LRRC40: variants seen among roughly 807,000 people sequenced by gnomAD.
LRRC40 encodes the protein leucine rich repeat containing 40.
In LRRC40, 76 loss-of-function variants were observed where a neutral mutation model predicts 72.8. The observed-to-expected ratio is 1.04, with a 90% CI of 0.87 to 1.26. The LOEUF (loss-of-function observed/expected upper bound fraction) is 1.26. Among genes scored for constraint, LRRC40 ranks in the 50% most tolerant of loss-of-function variants. The probability of loss-of-function intolerance (pLI) is 0.00; values close to 1 mark genes in which losing one functional copy is unlikely to be tolerated. For missense variants in LRRC40, 684 were observed against 698.9 expected (o/e 0.98, Z 0.24); for synonymous variants, 243 against 254.2 (o/e 0.96, Z 0.42).
intron 5 of LRRC40, chr1:70,180,008 C>T (rs1668206450): frequency 6.6e-6 from 1 of 151,308 alleles, no homozygotes; most frequent in African/African-American, 2.4e-5. Flanking sequence ...CTATGACTTG[C>T]CAAACAAAAG....
intron 1 of LRRC40, among the ~76,000 whole-genome samples, chr1:70,203,373 T>C (rs1668791293): frequency 6.6e-6 from 1 of 152,160 alleles, no homozygotes; most frequent in Non-Finnish European, 1.5e-5. Context: ...GTAATGACAC[T>C]AGGATTTAGA....
Position 70,148,692 on chromosome 1 carries a change from A to T in LRRC40, c.1518-20T>A, listed in dbSNP as rs1446456822. 1.4e-6 allele frequency: 2 copies of T among 1,478,070 alleles called. No individual in the cohort carries two copies. The highest frequency in any genetic ancestry group is 2.8e-5 in the African/African-American group (2 of 71,998). The allele number at this position is 1,478,070 out of a possible 1,614,324, so 91.6% of individuals were successfully genotyped here. ...TTAAACCTATTAATACATGAACAGA[A>T]CACCTAAATATACTGGAATCAGACC... On this transcript the variant is annotated intron_variant, in intron 13 of 14. Coordinates refer to ENST00000370952, the MANE Select transcript of LRRC40 (RefSeq NM_017768.5).
In LRRC40 at chr1:70,158,099, C is replaced by CAA. The variant is rs35925333; in HGVS notation, c.1220+1229_1220+1230dup. Among the ~76,000 whole-genome samples, 133 of 19,210 alleles carry CAA rather than the reference C, an allele frequency of 6.9e-3. 23 individuals are homozygous for CAA. Among genetic ancestry groups the CAA allele is most frequent in the African/African-American group, 0.015 (65 of 4,302 alleles). The allele number at this position is 19,210 out of a possible 152,430, so 12.6% of individuals were successfully genotyped here. A position where few individuals can be genotyped will look rare whatever the true frequency, so the allele number is the denominator to read the frequency against. ...TGGGCAACAGAGCAAGACCCTGCCTCAAAAAAAAAAAAAAAAAAAAAAAAA... is the reference window on the plus strand; with the variant it reads ...TGGGCAACAGAGCAAGACCCTGCCTCAAAAAAAAAAAAAAAAAAAAAAAAAAA... On this transcript the variant is annotated intron_variant, in intron 10 of 14. Coordinates refer to ENST00000370952, the MANE Select transcript of LRRC40 (RefSeq NM_017768.5).
At chr1:70,182,006 TTAATA>T (rs1286497098) in intron 4 of LRRC40, among the ~76,000 whole-genome samples, 9 of 152,002 alleles carry the variant, frequency 5.9e-5, no homozygotes, top group Non-Finnish European at 8.8e-5. Context: ...AGATTTTCAT[TTAATA>T]TAACATTAAA....
At chr1:70,167,616 A>G (rs1667912121) in intron 9 of LRRC40, among the ~76,000 whole-genome samples, 1 of 151,940 alleles carries the variant, frequency 6.6e-6, no homozygotes, top group Non-Finnish European at 1.5e-5. Flanking sequence ...AAAGGATTCT[A>G]TTTCTATTTA....
intron 6 of LRRC40, among the ~76,000 whole-genome samples, 170 bp downstream of exon 6, chr1:70,178,681 A>G (rs74085993): frequency 6.6e-6 from 1 of 152,178 alleles, no homozygotes; most frequent in African/African-American, 2.4e-5. Context: ...TAAAAATACC[A>G]TTAATGTAAG....
At chr1:70,152,572 G>A (rs1264255189) in intron 11 of LRRC40, 29 bp from the exon 12 acceptor site, 1 of 1,207,740 alleles carries the variant, frequency 8.3e-7, no homozygotes, top group African/African-American at 1.5e-5. Context: ...TAAAATGTTA[G>A]CACTTGAATT....
In LRRC40 at chr1:70,175,885, A is replaced by T; in HGVS notation, c.902T>A (p.Leu301Ter). ...ILVLDLRDNKLKSVPDEIILL... is the reference protein window; with the variant it reads ...ILVLDLRDNK ...TATAATTTCATCTGGAACAGATTTT[A>T]ACTTGTTATCCCTCAGGTCTAGCAC... is the stretch of plus-strand genomic sequence containing the variant. Residue 301 changes from leucine (L) to a stop codon, truncating the protein, a stop_gained, in exon 7 of 15, where the codon TTA (leucine) becomes TAA (stop). Transcript: ENST00000370952. LOFTEE classifies it high-confidence loss of function. 1 of 1,604,014 alleles carries T rather than the reference A, an allele frequency of 6.2e-7. No homozygotes were observed. Among genetic ancestry groups the T allele is most frequent in the Non-Finnish European group, 8.5e-7 (1 of 1,176,310 alleles).
chr1:70,181,513 T>G (rs546089128), intron 4 of LRRC40, among the ~76,000 whole-genome samples: 2 of 152,222 alleles, frequency 1.3e-5, no homozygotes, highest in East Asian at 3.9e-4. Flanking sequence ...TGCCATATTA[T>G]GCATCATATT....
In LRRC40 at chr1:70,187,287, T is replaced by A. The variant is rs1668381029; in HGVS notation, c.385A>T (p.Asn129Tyr). The A allele has an allele frequency of 6.3e-7, 1 of 1,585,502 alleles. No homozygotes were observed. The highest frequency in any genetic ancestry group is 8.6e-7 in the Non-Finnish European group (1 of 1,156,674). The change falls in exon 3 of 15, where the codon AAT becomes TAT. Residue 129 changes from asparagine to tyrosine, a missense_variant. Physicochemically the swap from Asn to Tyr is moderately radical, Grantham distance 143. Transcript: ENST00000370952. ...SLPSAIRELE[N>Y]LQKLNVSHNK... ...TACCTGACATTAAGTTTCTGAAGATTTTCTAGCTCTCTTATAGCAGAAGGA... is the reference window on the plus strand; with the variant it reads ...TACCTGACATTAAGTTTCTGAAGATATTCTAGCTCTCTTATAGCAGAAGGA...
intron 9 of LRRC40, among the ~76,000 whole-genome samples, chr1:70,165,051 T>C (rs1408505609): frequency 6.6e-6 from 1 of 152,198 alleles, no homozygotes; most frequent in Admixed American, 6.5e-5. Flanking sequence ...AAAGGTATTA[T>C]CTGCATTCTA....
rs1406797380 is a variant in LRRC40, at chr1:70,159,341, T to C, written c.1209A>G (p.Ile403Met). ...AATAAATTACATACCTATAGTCTAA[T>C]ATTTTTAATGTAATGATGGCATGTA... ...VNIHAIITLK[I>M]LDYSDKQATL... Residue 403 changes from isoleucine to methionine, a missense_variant, in exon 10 of 15, where the codon ATA (isoleucine) becomes ATG (methionine). Coordinates refer to ENST00000370952, the MANE Select transcript of LRRC40 (RefSeq NM_017768.5). The C allele has an allele frequency of 6.9e-7, 1 of 1,443,042 alleles. No homozygotes were observed. Among genetic ancestry groups the C allele is most frequent in the Non-Finnish European group, 9.7e-7 (1 of 1,034,932 alleles). 89.4% of individuals were successfully genotyped at this position (1,443,042 alleles called of 1,614,324 possible).
intron 9 of LRRC40, among the ~76,000 whole-genome samples, chr1:70,166,765 A>C (rs189275357): frequency 6.6e-6 from 1 of 152,218 alleles, no homozygotes; most frequent in African/African-American, 2.4e-5. Context: ...TTATTTTTTA[A>C]AGTAGCTGAG....
chr1:70,152,238 G>A (rs1222763502), intron 12 of LRRC40, among the ~76,000 whole-genome samples, 195 bp downstream of exon 12: 3 of 151,988 alleles, frequency 2.0e-5, no homozygotes, highest in Admixed American at 2.0e-4. Context: ...ATAAATGTCT[G>A]ATTACAGTAT....
At chr1:70,158,011 G>T (rs1667676948) in intron 10 of LRRC40, among the ~76,000 whole-genome samples, 1 of 145,702 alleles carries the variant, frequency 6.9e-6, no homozygotes, top group African/African-American at 2.6e-5. Flanking sequence ...TGAGGTGGGG[G>T]AATCGCTTGA....
intron 1 of LRRC40, among the ~76,000 whole-genome samples, chr1:70,200,176 C>T (rs975886129): frequency 7.2e-5 from 11 of 152,190 alleles, no homozygotes; most frequent in South Asian, 2.1e-4. Context: ...GTAGAAATAT[C>T]AGGAATGGGG....
intron 8 of LRRC40, 29 bp from the exon 9 acceptor site, chr1:70,173,539 C>T (rs1668041870): frequency 3.2e-6 from 5 of 1,577,902 alleles, no homozygotes; most frequent in Admixed American, 1.7e-5. Flanking sequence ...AGACATTCAC[C>T]AAGACATGCT....
At chr1:70,179,901 A>G (rs1368182727) in intron 5 of LRRC40, among the ~76,000 whole-genome samples, 1 of 152,172 alleles carries the variant, frequency 6.6e-6, no homozygotes, top group Non-Finnish European at 1.5e-5. Flanking sequence ...TTAAAACTCC[A>G]ATTTTAAACA....
intron 1 of LRRC40, among the ~76,000 whole-genome samples, chr1:70,199,839 C>T (rs867997296): frequency 6.6e-6 from 1 of 152,056 alleles, no homozygotes; most frequent in Non-Finnish European, 1.5e-5. Flanking sequence ...AGCCCCACAA[C>T]CCCTGAATTA....
Sources: gnomAD v4.1 joint callset for allele counts (sites outside exome capture counted in the v4.1 genomes callset) on GRCh38, gnomAD v4.1.1 for gene constraint, MANE v1.5 for transcripts, NCBI Gene and HGNC (gene_info 2026-07-23, HGNC 2026-07-21) for gene names.